Variants in CBFA2T2 observed in about 807,000 individuals in gnomAD.
The protein encoded by CBFA2T2 is CBFA2/RUNX1 partner transcriptional co-repressor 2.
CBFA2T2 carries 11 observed loss-of-function variants against 62.2 expected under a neutral mutation model. The ratio of observed to expected loss-of-function variants is 0.18; its 90% confidence interval spans 0.11 to 0.29. The LOEUF (loss-of-function observed/expected upper bound fraction) is 0.29. Among genes scored for constraint, CBFA2T2 ranks in the 10% least tolerant of loss-of-function variants. The pLI is 1.00. For synonymous variants in CBFA2T2, 295 were observed against 287.5 expected, an observed-to-expected ratio of 1.03 and a Z score of -0.27; for missense variants, 592 against 774.1, an observed-to-expected ratio of 0.76 and a Z score of 2.79.
intron 8 of CBFA2T2, among the ~76,000 whole-genome samples, chr20:33,632,775 G>A (rs964532108): frequency 2.6e-5 from 4 of 150,962 alleles, no homozygotes; most frequent in African/African-American, 9.8e-5. Context: ...TAAGTAATTA[G>A]TGTTTTTGTT....
At chr20:33,624,015 G>A (rs550350065) in intron 5 of CBFA2T2, 1 of 554,512 alleles carries the variant, frequency 1.8e-6, no homozygotes, top group African/African-American at 1.9e-5. Context: ...TCTGCCAAAT[G>A]CCTTTTATGT....
At chr20:33,521,018 T>G (rs1009184592) in intron 1 of CBFA2T2, among the ~76,000 whole-genome samples, 10 of 149,958 alleles carry the variant, frequency 6.7e-5, no homozygotes, top group African/African-American at 2.2e-4. Flanking sequence ...GCTGCCATCC[T>G]AGATAGTTTA....
chr20:33,569,991 C>G (rs773535854), intron 1 of CBFA2T2, among the ~76,000 whole-genome samples: 9 of 152,122 alleles, frequency 5.9e-5, no homozygotes, highest in Non-Finnish European at 1.2e-4. Context: ...CCCAGTCATT[C>G]AAGACAAGCC....
chr20:33,496,476 AT>A (rs1401845130), intron 1 of CBFA2T2, among the ~76,000 whole-genome samples: 1 of 152,196 alleles, frequency 6.6e-6, no homozygotes, highest in Non-Finnish European at 1.5e-5. Flanking sequence ...CAATGTTTGC[AT>A]TTTTGTAATT....
At chr20:33,642,164 G>GTGTGTGTGTGTGT (rs2016883336) in intron 10 of CBFA2T2, among the ~76,000 whole-genome samples, 1 of 145,570 alleles carries the variant, frequency 6.9e-6, no homozygotes, top group African/African-American at 2.5e-5. Context: ...GTGTGTGTGT[G>GTGTGTGTGTGTGT]GATAACAGGG....
At position 33,598,676 on chromosome 20, in the gene CBFA2T2, A is replaced by C. The variant is rs538217800; in HGVS notation, c.35-8280A>C. Among the ~76,000 whole-genome samples, 69 of 152,336 alleles carry C rather than the reference A, an allele frequency of 4.5e-4. 2 individuals carry two copies. In the East Asian group the frequency reaches 0.013, roughly 28 times the overall value. ...TCAGCTGACAGGATTAAGAGATTAA[A>C]GTAAAGACAGGCATAGGAAATCACA... On this transcript the variant is annotated intron_variant, in intron 1 of 10. Transcript: ENST00000342704.
At chr20:33,624,650 C>A in intron 5 of CBFA2T2, 114 bp from the exon 6 acceptor site, 1 of 1,158,818 alleles carries the variant, frequency 8.6e-7, no homozygotes, top group Non-Finnish European at 1.2e-6. Context: ...TCCTTAGAGG[C>A]TTCCTGTTTA....
chr20:33,606,313 AAG>A (rs1270342732), intron 1 of CBFA2T2, among the ~76,000 whole-genome samples: 1 of 152,200 alleles, frequency 6.6e-6, no homozygotes, highest in Non-Finnish European at 1.5e-5. Flanking sequence ...CCACTATCTA[AAG>A]ACTGCTAACT....
rs2016090589 is a variant in CBFA2T2, at chr20:33,623,695, TA to T, written c.692+400del. ...CCTCAACCTCCCAAAGTGCTGGGAT[TA>T]TATGGATGTGAGCCACCATGCCCAG... On this transcript the variant is annotated intron_variant, in intron 5 of 10. Coordinates refer to ENST00000342704, the MANE Select transcript of CBFA2T2 (RefSeq NM_001032999.3). 1.2e-5 allele frequency: 8 copies of T among 659,740 alleles called. No individual in the cohort carries two copies. In the East Asian group the frequency reaches 2.2e-4, roughly 18 times the overall value. 40.9% of individuals were successfully genotyped at this position (659,740 alleles called of 1,614,324 possible). A position where few individuals can be genotyped will look rare whatever the true frequency, so the allele number is the denominator to read the frequency against.
In CBFA2T2 at chr20:33,589,058, A is replaced by G. The variant is rs1034864962; in HGVS notation, c.35-17898A>G. ...TGATTAAGCTGAAGACCTATTTCTA[A>G]TAAAAACAAGTAAAAAGCAAGTTTG... On this transcript the variant is annotated intron_variant, in intron 1 of 10. Transcript: ENST00000342704. 3.0e-4 allele frequency among the ~76,000 whole-genome samples: 45 copies of G among 152,342 alleles called. 1 individual carries two copies. The Middle Eastern group carries it at 0.01, about 35-fold the overall frequency.
chr20:33,505,848 T>C (rs1386464167), intron 1 of CBFA2T2, among the ~76,000 whole-genome samples: 2 of 151,694 alleles, frequency 1.3e-5, no homozygotes. Flanking sequence ...CCTAACACTT[T>C]GGGAGGCTGA....
intron 8 of CBFA2T2, among the ~76,000 whole-genome samples, chr20:33,634,670 C>CAAAAAAA (rs758089440): frequency 2.3e-4 from 11 of 47,872 alleles, no homozygotes; most frequent in South Asian, 9.9e-4. Context: ...ACCCTATGTC[C>CAAAAAAA]AAAAAAAAAA....
intron 1 of CBFA2T2, among the ~76,000 whole-genome samples, chr20:33,562,969 T>G (rs1346959900): frequency 6.6e-6 from 1 of 152,246 alleles, no homozygotes; most frequent in African/African-American, 2.4e-5. Context: ...TTCTGTAAGG[T>G]TTTCCACGTT....
intron 1 of CBFA2T2, among the ~76,000 whole-genome samples, chr20:33,568,008 C>T (rs1457691137): frequency 3.3e-5 from 5 of 152,074 alleles, no homozygotes; most frequent in Admixed American, 6.6e-5. Flanking sequence ...TCAGACAAGG[C>T]GGGGACTATT....
chr20:33,570,098 G>C (rs1009263897), intron 1 of CBFA2T2, among the ~76,000 whole-genome samples: 1 of 152,168 alleles, frequency 6.6e-6, no homozygotes, highest in African/African-American at 2.4e-5. Context: ...ATCCAAAATG[G>C]TGAAGCCCCA....
intron 9 of CBFA2T2, among the ~76,000 whole-genome samples, chr20:33,638,329 C>G (rs534637468): frequency 3.5e-4 from 53 of 152,108 alleles, no homozygotes; most frequent in African/African-American, 1.2e-3. Flanking sequence ...TGGGAGATAC[C>G]TTTGGTTAAC....
rs1247993312 is a variant in CBFA2T2 at position 33,647,116 on chromosome 20, A to G, written c.*2470A>G. Reference sequence around the variant, plus strand: ...CCGACCCCATCTGCCTCCTTAAGCCACAGTCCTTGGTGGGGAACTCTAAGG... The same window carrying G: ...CCGACCCCATCTGCCTCCTTAAGCCGCAGTCCTTGGTGGGGAACTCTAAGG... On this transcript the variant is annotated 3_prime_UTR_variant, in exon 11 of 11. Coordinates refer to ENST00000342704, the MANE Select transcript of CBFA2T2 (RefSeq NM_001032999.3). 1 of 152,174 alleles carries G rather than the reference A, an allele frequency of 6.6e-6. No homozygotes were observed. The highest frequency in any genetic ancestry group is 2.4e-5 in the African/African-American group (1 of 41,414). The allele number at this position is 152,174 out of a possible 1,614,324, so 9.4% of individuals were successfully genotyped here.
chr20:33,619,438 A>AT (rs1197500182), intron 3 of CBFA2T2, 79 bp from the exon 4 acceptor site: 1 of 715,808 alleles, frequency 1.4e-6, no homozygotes, highest in African/African-American at 1.9e-5. Flanking sequence ...ACATTAAAAA[A>AT]AAAAAAAAAG....
chr20:33,577,207 G>A (rs551219669), intron 1 of CBFA2T2, among the ~76,000 whole-genome samples: 23 of 152,260 alleles, frequency 1.5e-4, no homozygotes, highest in African/African-American at 4.8e-4. Context: ...TTTTAGACTT[G>A]TGCCTATACT....
Sources: gnomAD v4.1 joint callset for allele counts (sites outside exome capture counted in the v4.1 genomes callset) on GRCh38, gnomAD v4.1.1 for gene constraint, MANE v1.5 for transcripts, NCBI Gene and HGNC (gene_info 2026-07-23, HGNC 2026-07-21) for gene names.